Variants in FAM135B observed in about 807,000 individuals in gnomAD.
FAM135B encodes the protein protein FAM135B.
FAM135B carries 43 observed loss-of-function variants against 127.7 expected under a neutral mutation model. The ratio of observed to expected loss-of-function variants is 0.34; its 90% CI spans 0.26 to 0.43. The LOEUF (loss-of-function observed/expected upper bound fraction) is 0.43, where lower values mean the gene tolerates loss of function less well. Ranked by LOEUF, FAM135B falls within the 20% of genes least tolerant of loss-of-function variation. FAM135B has a pLI of 1.00. For missense variants in FAM135B, 1,558 were observed against 1,725.6 expected, an observed-to-expected ratio of 0.90 and a Z score of 1.72; for synonymous variants, 670 against 665.1, an observed-to-expected ratio of 1.01 and a Z score of -0.11.
intron 1 of FAM135B, chr8:138,437,624 G>C (rs557866641): frequency 6.6e-6 from 1 of 152,300 alleles, no homozygotes; most frequent in East Asian, 1.9e-4. Context: ...ATAGCAGTGT[G>C]AATATGGACT....
At chr8:138,379,074 G>A (rs1168080565) in intron 1 of FAM135B, among the ~76,000 whole-genome samples, 2 of 152,146 alleles carry the variant, frequency 1.3e-5, no homozygotes, top group Non-Finnish European at 2.9e-5. Context: ...ACAGTGAGTG[G>A]CAATTTCTCT....
At chr8:138,140,189 A>G (rs1817010766) in intron 17 of FAM135B, among the ~76,000 whole-genome samples, 1 of 152,174 alleles carries the variant, frequency 6.6e-6, no homozygotes, top group Non-Finnish European at 1.5e-5. Flanking sequence ...GTGTCGGATA[A>G]CTCATGTTCA....
intron 9 of FAM135B, among the ~76,000 whole-genome samples, chr8:138,183,634 T>C (rs1235234937): frequency 6.6e-6 from 1 of 152,252 alleles, no homozygotes; most frequent in East Asian, 1.9e-4. Context: ...TGAGAATTTA[T>C]TTTTCCTTCC....
At chr8:138,239,083 TG>T (rs1820524344) in intron 7 of FAM135B, among the ~76,000 whole-genome samples, 2 of 152,224 alleles carry the variant, frequency 1.3e-5, no homozygotes, top group Non-Finnish European at 2.9e-5. Flanking sequence ...ATTTCTGTGA[TG>T]TTTTTATACA....
chr8:138,291,870 C>A (rs971725967), intron 3 of FAM135B, among the ~76,000 whole-genome samples: 7 of 152,048 alleles, frequency 4.6e-5, no homozygotes, highest in Admixed American at 3.9e-4. Flanking sequence ...AGGAACAAAA[C>A]AAGGGTGTCC....
chr8:138,197,633 G>A lies in FAM135B; in HGVS notation c.706C>T (p.His236Tyr), dbSNP rs749187028. 2 of 1,614,206 alleles carry A rather than the reference G, an allele frequency of 1.2e-6. No individual in the cohort carries two copies. ...AGGTCTCGGTGCCACTTGTGTGCGT[G>A]CTGCATGCAGTTCTCAGAGGTGATG... ...FYITSENCMQ[H>Y]AHKWHRDLCL... Residue 236 changes from histidine to tyrosine, a missense_variant, in exon 8 of 20, where the codon CAC becomes TAC. By Grantham distance (83) the His-to-Tyr change is moderately conservative (BLOSUM62 2). This residue lies in a region of FAM135B where 127 missense variants were observed against 109.7 expected (regional missense o/e 1.16). Transcript: ENST00000395297.
intron 2 of FAM135B, among the ~76,000 whole-genome samples, chr8:138,315,648 C>T (rs539762123): frequency 3.5e-5 from 5 of 144,750 alleles, no homozygotes; most frequent in African/African-American, 1.3e-4. Flanking sequence ...CACATGCACT[C>T]AAACAATGGA....
At chr8:138,218,973 G>T (rs1038184134) in intron 7 of FAM135B, among the ~76,000 whole-genome samples, 3 of 152,128 alleles carry the variant, frequency 2.0e-5, no homozygotes. Context: ...ATAAAATTAG[G>T]TTGAAATGAG....
In FAM135B at chr8:138,238,609, A is replaced by G. The variant is rs542277177; in HGVS notation, c.669+4333T>C. On this transcript the variant is annotated intron_variant, in intron 7 of 19. Transcript: ENST00000395297. ...TCAGCTCGTATTGCTATGAAAGTCC[A>G]GTTTTGCAAATGTCTCTGCAAGGAA... Among the ~76,000 whole-genome samples the G allele has an allele frequency of 5.9e-5, 9 of 152,352 alleles. No individual in the cohort carries two copies. In the East Asian group the frequency reaches 1.7e-3, roughly 29 times the overall value.
intron 1 of FAM135B, among the ~76,000 whole-genome samples, chr8:138,435,925 T>C (rs1835429672): frequency 6.6e-6 from 1 of 152,198 alleles, no homozygotes; most frequent in Non-Finnish European, 1.5e-5. Context: ...ATTTAGCAGA[T>C]ATTTCAAAAC....
chr8:138,367,291 G>A (rs1830799221), intron 2 of FAM135B: 1 of 440,176 alleles, frequency 2.3e-6, no homozygotes, highest in Admixed American at 2.5e-5. Flanking sequence ...TCACATCTGT[G>A]TTTGGTTTCT....
chr8:138,423,161 GAGTA>G (rs1834621077), intron 1 of FAM135B, among the ~76,000 whole-genome samples: 1 of 152,104 alleles, frequency 6.6e-6, no homozygotes, highest in African/African-American at 2.4e-5. Context: ...TCTACCTTTT[GAGTA>G]CTATGCTCAG....
At chr8:138,168,559 C>T (rs1359898215) in intron 11 of FAM135B, among the ~76,000 whole-genome samples, 5 of 152,002 alleles carry the variant, frequency 3.3e-5, no homozygotes. Context: ...GTATAAATTT[C>T]CCTAGATCAA....
chr8:138,286,983 TG>T (rs1824738512), intron 3 of FAM135B, among the ~76,000 whole-genome samples: 1 of 152,220 alleles, frequency 6.6e-6, no homozygotes, highest in African/African-American at 2.4e-5. Context: ...ATCGAGCAGT[TG>T]GGAAGAATAT....
intron 1 of FAM135B, among the ~76,000 whole-genome samples, chr8:138,380,598 A>G (rs1831790850): frequency 1.3e-5 from 2 of 152,108 alleles, no homozygotes; most frequent in Admixed American, 6.5e-5. Context: ...TTTGAGGCCC[A>G]GAAAAGGGAG....
intron 2 of FAM135B, among the ~76,000 whole-genome samples, chr8:138,330,546 C>A (rs1270776346): frequency 6.6e-6 from 1 of 152,120 alleles, no homozygotes; most frequent in East Asian, 1.9e-4. Context: ...CCCTGTGCTG[C>A]CGCCGAGTCC....
At chr8:138,165,943 A>G (rs1819874814) in intron 12 of FAM135B, among the ~76,000 whole-genome samples, 1 of 152,210 alleles carries the variant, frequency 6.6e-6, no homozygotes, top group Admixed American at 6.5e-5. Context: ...TGGATTTTTA[A>G]AATATCCTAC....
chr8:138,282,412 T>C (rs974456137), intron 3 of FAM135B, among the ~76,000 whole-genome samples: 1 of 152,000 alleles, frequency 6.6e-6, no homozygotes, highest in African/African-American at 2.4e-5. Context: ...TAGAAGAAAA[T>C]GTTTACAAAA....
At chr8:138,452,215 C>T (rs927083078) in intron 1 of FAM135B, among the ~76,000 whole-genome samples, 6 of 150,270 alleles carry the variant, frequency 4.0e-5, no homozygotes, top group African/African-American at 1.5e-4. Context: ...CTGCAACCTC[C>T]ACCTCCCAGA....
Sources: allele counts gnomAD v4.1 joint callset (sites outside exome capture counted in the v4.1 genomes callset), GRCh38; gene constraint gnomAD v4.1.1; regional missense constraint gnomAD v4.1.1; transcripts MANE v1.5; gene names NCBI Gene and HGNC (gene_info 2026-07-23, HGNC 2026-07-21).